RPS6KA2: variants seen among roughly 807,000 people sequenced by gnomAD.
RPS6KA2 encodes the protein ribosomal protein S6 kinase alpha-2.
RPS6KA2 carries 42 observed loss-of-function variants against 91.8 expected under a neutral mutation model. The ratio of observed to expected loss-of-function variants is 0.46; its 90% CI spans 0.36 to 0.59. The LOEUF (loss-of-function observed/expected upper bound fraction) is 0.59, where lower values mean the gene tolerates loss of function less well. RPS6KA2 is among the 20% of genes least tolerant of loss of function. RPS6KA2 has a pLI of 0.00. For missense variants in RPS6KA2, 798 were observed against 978.5 expected (o/e 0.82, Z 2.46); for synonymous variants, 414 against 393.6 (o/e 1.05, Z -0.61).
At chr6:166,832,310 G>T (rs137918566) in intron 2 of RPS6KA2, among the ~76,000 whole-genome samples, 21 of 152,126 alleles carry the variant, frequency 1.4e-4, no homozygotes, top group Non-Finnish European at 2.5e-4. Context: ...GAGGAAGTTG[G>T]GGGGGAAGCT....
rs1368534657 is a variant in RPS6KA2, at chr6:166,648,172, GCT to G, written c.124-109390_124-109389del. ...CATGGTTACACACCCATGCACACAT[GCT>G]CACACACATGCACACATGCTCATAC... On this transcript the variant is annotated intron_variant, in intron 2 of 21. Coordinates refer to the RPS6KA2 transcript ENST00000503859. This position sits in a 1 kb window ranked among gnomAD's most constrained non-coding sequence, Gnocchi z 4.8. Among the ~76,000 whole-genome samples, 10 of 78,880 alleles carry G rather than the reference GCT, an allele frequency of 1.3e-4. No homozygotes were observed. The highest frequency in any genetic ancestry group is 3.7e-4 in the Admixed American group (3 of 8,204). 51.7% of individuals were successfully genotyped at this position (78,880 alleles called of 152,430 possible).
In RPS6KA2 at chr6:166,434,865, A is replaced by C. The variant is rs1454957600; in HGVS notation, c.1333-2375T>G. Among the ~76,000 whole-genome samples the C allele has an allele frequency of 1.3e-5, 2 of 152,200 alleles. No homozygotes were observed. Among genetic ancestry groups the C allele is most frequent in the Non-Finnish European group, 2.9e-5 (2 of 68,034 alleles). ...ATCCCTTGTTTTAAAAATGGAGAGA[A>C]GAATGCAGATAGACGCATCCATTTC... On this transcript the variant is annotated intron_variant, in intron 14 of 20. Transcript: ENST00000265678. The surrounding 1 kb of genome is among the most constrained non-coding windows in gnomAD (Gnocchi z 4.4).
At chr6:166,856,886 A>C (rs1032076860) in intron 2 of RPS6KA2, among the ~76,000 whole-genome samples, 5 of 152,196 alleles carry the variant, frequency 3.3e-5, no homozygotes, top group African/African-American at 1.2e-4. Flanking sequence ...AAGCAGCGCT[A>C]TCTACTTTTC....
At position 166,433,285 on chromosome 6, in the gene RPS6KA2, GCT is replaced by G. The variant is rs1367165536; in HGVS notation, c.1333-797_1333-796del. On this transcript the variant is annotated intron_variant, in intron 14 of 20. Transcript: ENST00000265678. The surrounding 1 kb of genome is among the most constrained non-coding windows in gnomAD (Gnocchi z 4.4). ...TGCCTTGCTGTTTAGACATATGCAA[GCT>G]CCCCTCCCCCGCCCAGCATCTGTAT... is the stretch of plus-strand genomic sequence containing the variant. Among the ~76,000 whole-genome samples the G allele has an allele frequency of 6.6e-6, 1 of 152,184 alleles. No individual in the cohort carries two copies. The highest frequency in any genetic ancestry group is 2.4e-5 in the African/African-American group (1 of 41,458).
intron 17 of RPS6KA2, among the ~76,000 whole-genome samples, chr6:166,420,418 G>A (rs978327822): frequency 2.0e-5 from 3 of 151,992 alleles, no homozygotes; most frequent in Non-Finnish European, 4.4e-5. Context: ...CTGTCCCCCA[G>A]CCCCCAACAC....
At chr6:166,790,948 A>G (rs200895730) in intron 2 of RPS6KA2, among the ~76,000 whole-genome samples, 1 of 152,068 alleles carries the variant, frequency 6.6e-6, no homozygotes, top group Non-Finnish European at 1.5e-5. Flanking sequence ...GGAAGAAACT[A>G]CATCAACTAA....
At chr6:166,475,757 G>C (rs763418509) in intron 10 of RPS6KA2, 1 of 530,944 alleles carries the variant, frequency 1.9e-6, no homozygotes, top group Non-Finnish European at 3.9e-6. Context: ...AGGGGATGTG[G>C]AGGTGGGAGA....
Position 166,767,925 on chromosome 6 carries a change from G to A in RPS6KA2, c.123+90275C>T, listed in dbSNP as rs553421629. Among the ~76,000 whole-genome samples the A allele has an allele frequency of 1.3e-5, 2 of 152,228 alleles. No homozygotes were observed. Among genetic ancestry groups the A allele is most frequent in the East Asian group, 1.9e-4 (1 of 5,172 alleles). Reference sequence around the variant, plus strand: ...AACCTTGGGGGTTTTATTTTTCCACGACTGTGGAGTCTGCCTCTGTGTCCC... The same window carrying A: ...AACCTTGGGGGTTTTATTTTTCCACAACTGTGGAGTCTGCCTCTGTGTCCC... On this transcript the variant is annotated intron_variant, in intron 2 of 21. Transcript: ENST00000503859. The surrounding 1 kb of genome is among the most constrained non-coding windows in gnomAD (Gnocchi z 4.6).
chr6:166,559,414 G>A (rs376995149), intron 1 of RPS6KA2, among the ~76,000 whole-genome samples: 9 of 152,158 alleles, frequency 5.9e-5, no homozygotes, highest in Admixed American at 2.0e-4. Context: ...CAAACCTTCC[G>A]ACACTTCCTG....
At chr6:166,441,995 T>C (rs986439644) in intron 14 of RPS6KA2, among the ~76,000 whole-genome samples, 1 of 152,184 alleles carries the variant, frequency 6.6e-6, no homozygotes, top group Non-Finnish European at 1.5e-5. Context: ...CTTACACAGC[T>C]GAACCATGGC....
chr6:166,626,009 A>C lies in RPS6KA2; in HGVS notation c.99+912T>G, dbSNP rs1193981318. ...TTTGAGATTGTTCCAGCTGAAACAAACCAACCAAAACCCCACAGGTGCCAG... is the reference window on the plus strand; with the variant it reads ...TTTGAGATTGTTCCAGCTGAAACAACCCAACCAAAACCCCACAGGTGCCAG... On this transcript the variant is annotated intron_variant, in intron 1 of 20. Coordinates refer to ENST00000265678, the MANE Select transcript of RPS6KA2 (RefSeq NM_021135.6). This position sits in a 1 kb window ranked among gnomAD's most constrained non-coding sequence, Gnocchi z 4.1. 6.6e-6 allele frequency among the ~76,000 whole-genome samples: 1 copy of C among 152,222 alleles called. No homozygotes were observed. The highest frequency in any genetic ancestry group is 2.4e-5 in the African/African-American group (1 of 41,432).
intron 3 of RPS6KA2, among the ~76,000 whole-genome samples, chr6:166,523,029 A>G (rs754146803): frequency 1.3e-5 from 2 of 152,170 alleles, no homozygotes; most frequent in Admixed American, 1.3e-4. Flanking sequence ...AACTACTTAC[A>G]CTGCAGAGGT....
At chr6:166,803,226 A>C (rs1779413889) in intron 2 of RPS6KA2, among the ~76,000 whole-genome samples, 1 of 152,214 alleles carries the variant, frequency 6.6e-6, no homozygotes. Context: ...TAAAGTGTGC[A>C]AGAAGCGATC....
chr6:166,471,214 A>C (rs183332123), intron 10 of RPS6KA2, among the ~76,000 whole-genome samples: 27 of 152,358 alleles, frequency 1.8e-4, no homozygotes, highest in African/African-American at 6.0e-4. Flanking sequence ...TGTGGTCAGC[A>C]CAGGTGTGGC....
At chr6:166,741,835 A>G (rs894882960) in intron 2 of RPS6KA2, among the ~76,000 whole-genome samples, 1 of 152,316 alleles carries the variant, frequency 6.6e-6, no homozygotes, top group South Asian at 2.1e-4. Context: ...AGCTGCCTCA[A>G]GAAAGGCCAG....
chr6:166,506,369 C>T (rs555179423), intron 5 of RPS6KA2, among the ~76,000 whole-genome samples: 108 of 152,260 alleles, frequency 7.1e-4, no homozygotes, highest in Non-Finnish European at 1.1e-3. Context: ...CAACCACAGG[C>T]GTGTCATAGC....
intron 2 of RPS6KA2, among the ~76,000 whole-genome samples, chr6:166,728,248 G>A (rs1324526794): frequency 6.6e-6 from 1 of 152,160 alleles, no homozygotes; most frequent in East Asian, 1.9e-4. Context: ...GGGGCGGACT[G>A]GCCAGGGTGA....
intron 1 of RPS6KA2, among the ~76,000 whole-genome samples, chr6:166,606,451 T>C (rs932579397): frequency 1.3e-5 from 2 of 152,244 alleles, no homozygotes; most frequent in Admixed American, 1.3e-4. Flanking sequence ...AGCAGCGTTG[T>C]GTAGGCCTTT....
chr6:166,628,385 A>G (rs1786974055), upstream of RPS6KA2, among the ~76,000 whole-genome samples: 1 of 152,242 alleles, frequency 6.6e-6, no homozygotes, highest in Non-Finnish European at 1.5e-5. Flanking sequence ...CAAAGAGCAG[A>G]AACGAGTGCG....
Sources: gnomAD v4.1 joint callset for allele counts (sites outside exome capture counted in the v4.1 genomes callset) on GRCh38, gnomAD v4.1.1 for gene constraint, Gnocchi (gnomAD v3.1) non-coding constraint, MANE v1.5 for transcripts, NCBI Gene and HGNC (gene_info 2026-07-23, HGNC 2026-07-21) for gene names.